The following ALK variants were observed in gnomAD, a reference collection of about 807,000 sequenced individuals.
ALK encodes the protein ALK tyrosine kinase receptor.
ALK carries 74 observed loss-of-function variants against 163.1 expected under a neutral mutation model. That is an observed-to-expected ratio of 0.45 (90% CI 0.38 to 0.55). The LOEUF (loss-of-function observed/expected upper bound fraction) is 0.55, where lower values mean the gene tolerates loss of function less well. ALK is among the 20% of genes least tolerant of loss of function. The pLI is 0.00. For synonymous variants in ALK, 960 were observed against 843.2 expected (o/e 1.14, Z -2.40); for missense variants, 2,063 against 2,105.3 (o/e 0.98, Z 0.39).
chr2:29,846,876 G>T (rs928154058), intron 1 of ALK, among the ~76,000 whole-genome samples: 2 of 152,142 alleles, frequency 1.3e-5, no homozygotes, highest in African/African-American at 4.8e-5. Flanking sequence ...TTACAGCAGA[G>T]AAAACACAGC....
intron 3 of ALK, among the ~76,000 whole-genome samples, chr2:29,618,974 G>A (rs569930968): frequency 1.7e-4 from 25 of 146,922 alleles, no homozygotes; most frequent in African/African-American, 2.5e-4. Context: ...GCGAGACTGC[G>A]TCTCAAAAAA....
At chr2:29,872,104 T>C (rs1666591466) in intron 1 of ALK, among the ~76,000 whole-genome samples, 1 of 152,186 alleles carries the variant, frequency 6.6e-6, no homozygotes, top group Non-Finnish European at 1.5e-5. Context: ...CACTTGCTTC[T>C]CCTTTTGATT....
At chr2:29,696,419 G>A (rs1303346396) in intron 2 of ALK, among the ~76,000 whole-genome samples, 1 of 149,864 alleles carries the variant, frequency 6.7e-6, no homozygotes, top group Non-Finnish European at 1.5e-5. Flanking sequence ...AGCATTAGGA[G>A]AAATACATAA....
chr2:29,643,268 C>T (rs751123036), intron 3 of ALK, among the ~76,000 whole-genome samples: 1 of 151,964 alleles, frequency 6.6e-6, no homozygotes, highest in Non-Finnish European at 1.5e-5. Context: ...GATACATCAC[C>T]AGGAAAGGGA....
chr2:29,482,183 T>C (rs4493207), intron 4 of ALK, among the ~76,000 whole-genome samples: 110,276 of 152,100 alleles, frequency 0.73, 40,295 homozygotes, highest in South Asian at 0.82. Flanking sequence ...CATCAAGGCT[T>C]TCTCTGGGCT....
chr2:29,217,054 GTGTT>G (rs1669642915), intron 23 of ALK, among the ~76,000 whole-genome samples: 1 of 147,874 alleles, frequency 6.8e-6, no homozygotes, highest in Non-Finnish European at 1.5e-5. Flanking sequence ...TGTGTGGTGT[GTGTT>G]GTATGTGTAT....
chr2:29,263,105 G>C (rs1222093777), intron 11 of ALK, among the ~76,000 whole-genome samples: 2 of 152,216 alleles, frequency 1.3e-5, no homozygotes, highest in African/African-American at 4.8e-5. Flanking sequence ...ATTTGGTTTT[G>C]AGGCTTAAGT....
At chr2:29,303,593 C>T (rs1196397962) in intron 8 of ALK, among the ~76,000 whole-genome samples, 3 of 152,156 alleles carry the variant, frequency 2.0e-5, no homozygotes, top group African/African-American at 7.2e-5. Context: ...ACATGTTTAC[C>T]GCAGCACGAT....
chr2:29,374,771 A>C (rs1668714924), intron 5 of ALK, among the ~76,000 whole-genome samples: 1 of 152,220 alleles, frequency 6.6e-6, no homozygotes, highest in South Asian at 2.1e-4. Flanking sequence ...TTATCTTTTA[A>C]ATGGTTCAGT....
intron 5 of ALK, among the ~76,000 whole-genome samples, chr2:29,336,112 A>G (rs1049210236): frequency 2.0e-5 from 3 of 152,192 alleles, no homozygotes; most frequent in African/African-American, 7.2e-5. Context: ...ATGGTTGAGT[A>G]TCATTTCCTT....
At chr2:29,237,967 C>T (rs1664424516) in intron 13 of ALK, among the ~76,000 whole-genome samples, 1 of 152,204 alleles carries the variant, frequency 6.6e-6, no homozygotes, top group African/African-American at 2.4e-5. Flanking sequence ...CTGATTTAGA[C>T]TCATGCCACC....
rs575406281 is a variant in ALK at position 29,866,551 on chromosome 2, A to G, written c.667+53442T>C. 2.0e-5 allele frequency among the ~76,000 whole-genome samples: 3 copies of G among 152,286 alleles called. No individual in the cohort carries two copies. In the East Asian group the frequency reaches 5.8e-4, roughly 29 times the overall value. On this transcript the variant is annotated intron_variant, in intron 1 of 28. Coordinates refer to ENST00000389048, the MANE Select transcript of ALK (RefSeq NM_004304.5). ...TGAATGGAAGAGTTTTTTAATTTCT[A>G]TGGTAATAAGGAGCCTAAACTCCAG...
chr2:29,413,744 G>A (rs926690600), intron 4 of ALK, among the ~76,000 whole-genome samples: 1 of 152,024 alleles, frequency 6.6e-6, no homozygotes, highest in South Asian at 2.1e-4. Flanking sequence ...TGTTGGCCAG[G>A]CTGGTCTCGA....
chr2:29,237,029 G>C (rs1302427413), intron 13 of ALK, among the ~76,000 whole-genome samples: 4 of 152,186 alleles, frequency 2.6e-5, no homozygotes, highest in African/African-American at 7.2e-5. Flanking sequence ...TAACTCAGGT[G>C]ATGGCAGCTC....
intron 4 of ALK, among the ~76,000 whole-genome samples, chr2:29,480,031 C>G (rs1221581585): frequency 6.6e-6 from 1 of 152,190 alleles, no homozygotes; most frequent in East Asian, 1.9e-4. Context: ...AAATACTAAA[C>G]AGCAGCTTTA....
chr2:29,766,400 C>G (rs1411665374), intron 1 of ALK, among the ~76,000 whole-genome samples: 1 of 152,170 alleles, frequency 6.6e-6, no homozygotes, highest in Admixed American at 6.5e-5. Context: ...CCCCAGCCAC[C>G]ATGAATCACC....
At position 29,224,657 on chromosome 2, in the gene ALK, A is replaced by C. The variant is rs551810047; in HGVS notation, c.3172+804T>G. ...GTTCCCTCCTCTATGCAATGGACCG[A>C]CCGTGATCAGATTAGGGTTACCTGA... On this transcript the variant is annotated intron_variant, in intron 19 of 28. Coordinates refer to ENST00000389048, the MANE Select transcript of ALK (RefSeq NM_004304.5). 151 of 224,040 alleles carry C rather than the reference A, an allele frequency of 6.7e-4. 2 individuals carry two copies. In the East Asian group the frequency reaches 9.7e-3, roughly 14 times the overall value. 13.9% of individuals were successfully genotyped at this position (224,040 alleles called of 1,614,324 possible). A position where few individuals can be genotyped will look rare whatever the true frequency, so the allele number is the denominator to read the frequency against.
intron 4 of ALK, among the ~76,000 whole-genome samples, chr2:29,444,847 G>A (rs1172665870): frequency 6.6e-6 from 1 of 152,086 alleles, no homozygotes; most frequent in Non-Finnish European, 1.5e-5. Context: ...TAGGGCTGCT[G>A]GTTATAGTAG....
intron 5 of ALK, among the ~76,000 whole-genome samples, chr2:29,343,406 G>A (rs1667858684): frequency 6.6e-6 from 1 of 151,124 alleles, no homozygotes; most frequent in South Asian, 2.1e-4. Context: ...TTAGAGATGG[G>A]GTCTCCCTAT....
Sources: gnomAD v4.1 joint callset for allele counts (sites outside exome capture counted in the v4.1 genomes callset) on GRCh38, gnomAD v4.1.1 for gene constraint, MANE v1.5 for transcripts, NCBI Gene and HGNC (gene_info 2026-07-23, HGNC 2026-07-21) for gene names.